The following BACH2 variants were observed in gnomAD, a reference collection of about 807,000 sequenced individuals.
BACH2 encodes the protein transcription regulator protein BACH2.
BACH2 carries 5 observed loss-of-function variants against 61.8 expected under a neutral mutation model. The observed-to-expected ratio is 0.08, with a 90% CI of 0.04 to 0.17. The LOEUF is 0.17. Among genes scored for constraint, BACH2 ranks in the 10% least tolerant of loss-of-function variants. BACH2 has a pLI of 1.00. For missense variants in BACH2, 824 were observed against 1,091.1 expected (o/e 0.76, Z 3.45); for synonymous variants, 446 against 440.1 (o/e 1.01, Z -0.17).
chr6:89,949,635 C>G (rs995825578), intron 7 of BACH2, among the ~76,000 whole-genome samples: 3 of 152,136 alleles, frequency 2.0e-5, no homozygotes, highest in Admixed American at 2.0e-4. Flanking sequence ...AAAATGTCTT[C>G]CTAGCATTTG....
intron 4 of BACH2, among the ~76,000 whole-genome samples, chr6:90,178,293 T>C (rs1440712680): frequency 6.6e-6 from 1 of 152,226 alleles, no homozygotes; most frequent in Non-Finnish European, 1.5e-5. Context: ...GATGACATTC[T>C]GTATATTAGT....
At chr6:90,091,847 A>C (rs1782172859) in intron 4 of BACH2, among the ~76,000 whole-genome samples, 1 of 152,158 alleles carries the variant, frequency 6.6e-6, no homozygotes, top group Admixed American at 6.5e-5. Flanking sequence ...AAGACCAAAG[A>C]GAAGTGGACC....
At chr6:90,055,106 G>A (rs1780261475) in intron 5 of BACH2, among the ~76,000 whole-genome samples, 1 of 152,212 alleles carries the variant, frequency 6.6e-6, no homozygotes, top group Non-Finnish European at 1.5e-5. Context: ...ACCAGCAATG[G>A]AACAAAGCTG....
chr6:90,294,388 A>G (rs973985968), intron 1 of BACH2, among the ~76,000 whole-genome samples: 3 of 152,186 alleles, frequency 2.0e-5, no homozygotes, highest in African/African-American at 7.2e-5. Context: ...TATTTCAATG[A>G]TATTCAGGTT....
chr6:90,030,456 G>A (rs575584117), intron 5 of BACH2, among the ~76,000 whole-genome samples: 2 of 152,190 alleles, frequency 1.3e-5, no homozygotes, highest in Admixed American at 1.3e-4. Flanking sequence ...TAGACCGCTA[G>A]CAAGACTAAT....
chr6:90,234,638 G>A (rs1306858057), intron 3 of BACH2, among the ~76,000 whole-genome samples: 3 of 152,130 alleles, frequency 2.0e-5, no homozygotes, highest in Non-Finnish European at 2.9e-5. Flanking sequence ...AGATAGTTTA[G>A]AATTAAATAA....
chr6:90,290,375 A>C (rs1014923949), intron 1 of BACH2, among the ~76,000 whole-genome samples: 1 of 152,228 alleles, frequency 6.6e-6, no homozygotes, highest in South Asian at 2.1e-4. Flanking sequence ...TCATGAGACC[A>C]GGGGCCAGGA....
chr6:89,954,929 A>G (rs996226359), intron 6 of BACH2, among the ~76,000 whole-genome samples: 1 of 152,252 alleles, frequency 6.6e-6, no homozygotes, highest in Non-Finnish European at 1.5e-5. Flanking sequence ...TGAAAGTTCA[A>G]GAGCTCATAA....
chr6:90,125,838 C>G (rs1562461119), intron 4 of BACH2, among the ~76,000 whole-genome samples: 1 of 152,242 alleles, frequency 6.6e-6, no homozygotes, highest in East Asian at 1.9e-4. Context: ...GGAACTCTTT[C>G]AACCCATAAG....
intron 5 of BACH2, among the ~76,000 whole-genome samples, chr6:90,029,391 C>T (rs532455824): frequency 3.3e-5 from 5 of 152,252 alleles, no homozygotes; most frequent in East Asian, 1.9e-4. Context: ...CAATCCCTGG[C>T]CTCCTCAGGT....
chr6:90,255,488 A>C (rs2127872471), intron 2 of BACH2, among the ~76,000 whole-genome samples: 1 of 152,318 alleles, frequency 6.6e-6, no homozygotes, highest in South Asian at 2.1e-4. Context: ...ACTGTGGTAA[A>C]TGGGGAGAAT....
chr6:90,079,894 C>A, intron 5 of BACH2, among the ~76,000 whole-genome samples: 1 of 152,008 alleles, frequency 6.6e-6, no homozygotes, highest in East Asian at 1.9e-4. Context: ...GACATTTTTT[C>A]CAGTTAGTGT....
At chr6:90,155,672 C>A (rs1241076034) in intron 4 of BACH2, among the ~76,000 whole-genome samples, 2 of 152,192 alleles carry the variant, frequency 1.3e-5, no homozygotes, top group Non-Finnish European at 2.9e-5. Flanking sequence ...CTCTTCCTAT[C>A]CCCAAATTGG....
intron 4 of BACH2, among the ~76,000 whole-genome samples, chr6:90,204,121 C>G (rs543177235): frequency 6.6e-6 from 1 of 152,256 alleles, no homozygotes; most frequent in East Asian, 1.9e-4. Flanking sequence ...AACAAGGACC[C>G]TAGAACGCCA....
At chr6:90,291,719 T>C (rs757004378) in intron 1 of BACH2, among the ~76,000 whole-genome samples, 3 of 152,028 alleles carry the variant, frequency 2.0e-5, no homozygotes, top group Non-Finnish European at 2.9e-5. Flanking sequence ...AGTTTGTAAA[T>C]ATTTACATAA....
intron 4 of BACH2, among the ~76,000 whole-genome samples, chr6:90,099,767 G>A (rs763820958): frequency 6.6e-6 from 1 of 152,066 alleles, no homozygotes; most frequent in Non-Finnish European, 1.5e-5. Flanking sequence ...TTTTTAACAG[G>A]TTTATTGAGA....
rs150450306 is a variant in BACH2, at chr6:90,264,935, G to A, written c.-353+6914C>T. 2.1e-4 allele frequency among the ~76,000 whole-genome samples: 32 copies of A among 152,284 alleles called. No homozygotes were observed. The East Asian group carries it at 5.6e-3, about 27-fold the overall frequency. On this transcript the variant is annotated intron_variant, in intron 2 of 8. Transcript: ENST00000257749. ...GACCTGTACATTTAAAAACATAAGT[G>A]CTACAAATATTCTTAAAAGGCTTTC...
intron 4 of BACH2, among the ~76,000 whole-genome samples, chr6:90,185,729 G>T (rs1002502053): frequency 2.0e-5 from 3 of 152,286 alleles, no homozygotes; most frequent in Non-Finnish European, 1.5e-5. Flanking sequence ...AACCAACCAC[G>T]TTTATAAAAT....
intron 5 of BACH2, among the ~76,000 whole-genome samples, chr6:90,021,865 G>T (rs1471007684): frequency 6.6e-6 from 1 of 152,148 alleles, no homozygotes; most frequent in African/African-American, 2.4e-5. Context: ...TGACTGACAT[G>T]GAGCAGCTAA....
Sources: gnomAD v4.1 joint callset for allele counts (sites outside exome capture counted in the v4.1 genomes callset) on GRCh38, gnomAD v4.1.1 for gene constraint, MANE v1.5 for transcripts, NCBI Gene and HGNC (gene_info 2026-07-23, HGNC 2026-07-21) for gene names.